Variants in ACBD6 observed in about 807,000 individuals in gnomAD.
ACBD6 encodes the protein acyl-CoA binding domain containing 6, also known as acyl-CoA-binding domain-containing protein 6.
A neutral mutation model predicts 37.2 loss-of-function variants in ACBD6; 28 were observed. That is an observed-to-expected ratio of 0.75 (90% CI 0.56 to 1.03). The LOEUF (loss-of-function observed/expected upper bound fraction) is 1.03, where lower values mean the gene tolerates loss of function less well. ACBD6 is among the 50% of genes least tolerant of loss of function. The pLI is 0.00. For synonymous variants in ACBD6, 113 were observed against 126.8 expected (o/e 0.89, Z 0.73); for missense variants, 340 against 337.4 (o/e 1.01, Z -0.06).
At chr1:180,397,268 T>C (rs1326652318) in intron 6 of ACBD6, among the ~76,000 whole-genome samples, 8 of 152,130 alleles carry the variant, frequency 5.3e-5, no homozygotes, top group African/African-American at 1.7e-4. Flanking sequence ...AGATTAGTGG[T>C]TGCCAAGGTC....
chr1:180,483,872 ACCCATG>A lies in ACBD6; in HGVS notation c.384+8391_384+8396del, dbSNP rs1287877665. Among the ~76,000 whole-genome samples, 3 of 152,308 alleles carry A rather than the reference ACCCATG, an allele frequency of 2.0e-5. No individual in the cohort carries two copies. The East Asian group carries it at 5.8e-4, about 29-fold the overall frequency. Reference sequence around the variant, plus strand: ...TATAATAGGACTCAAAAGAAATAGTACCCATGCATCTTGAACAAGAATCTTCTCCAA... The same window carrying A: ...TATAATAGGACTCAAAAGAAATAGTACATCTTGAACAAGAATCTTCTCCAA... On this transcript the variant is annotated intron_variant, in intron 3 of 7. Coordinates refer to ENST00000367595, the MANE Select transcript of ACBD6 (RefSeq NM_032360.4).
At chr1:180,458,143 T>C (rs949591475) in intron 3 of ACBD6, among the ~76,000 whole-genome samples, 5 of 152,202 alleles carry the variant, frequency 3.3e-5, no homozygotes, top group Non-Finnish European at 2.9e-5. Flanking sequence ...TAATATATCT[T>C]TCCTACGGCA....
intron 4 of ACBD6, among the ~76,000 whole-genome samples, chr1:180,421,899 GAGA>G (rs1473273656): frequency 6.6e-6 from 1 of 151,814 alleles, no homozygotes; most frequent in Non-Finnish European, 1.5e-5. Flanking sequence ...GCCTCTTGGT[GAGA>G]AGAAGTTGTT....
chr1:180,351,442 A>AT (rs1485828418), intron 6 of ACBD6, among the ~76,000 whole-genome samples: 1 of 151,808 alleles, frequency 6.6e-6, no homozygotes, highest in Non-Finnish European at 1.5e-5. Context: ...TGCCTGGCTA[A>AT]TTTTTTGTAT....
chr1:180,475,282 T>C (rs974780063), intron 3 of ACBD6, among the ~76,000 whole-genome samples: 3 of 152,198 alleles, frequency 2.0e-5, no homozygotes, highest in African/African-American at 7.2e-5. Flanking sequence ...CTCGGAAAGT[T>C]TCCTTGTGTC....
chr1:180,460,687 CA>C (rs370874547), intron 3 of ACBD6, among the ~76,000 whole-genome samples: 1 of 152,254 alleles, frequency 6.6e-6, no homozygotes, highest in East Asian at 1.9e-4. Flanking sequence ...AGCAGCCCTA[CA>C]AAAAAGTGGC....
chr1:180,459,967 CTTTTTTTTTTTTTT>C, intron 3 of ACBD6, among the ~76,000 whole-genome samples: 1 of 107,968 alleles, frequency 9.3e-6, no homozygotes, highest in African/African-American at 3.2e-5. Flanking sequence ...CAGACTGCTT[CTTTTTTTTTTTTTT>C]TTTTTTTTTT....
intron 6 of ACBD6, among the ~76,000 whole-genome samples, chr1:180,363,265 A>T (rs1354041032): frequency 6.6e-6 from 1 of 152,220 alleles, no homozygotes; most frequent in Non-Finnish European, 1.5e-5. Context: ...GGTTATTTTT[A>T]AAACGATTGT....
intron 7 of ACBD6, among the ~76,000 whole-genome samples, chr1:180,301,245 T>C (rs902899003): frequency 1.3e-5 from 2 of 152,156 alleles, no homozygotes; most frequent in Non-Finnish European, 2.9e-5. Context: ...ACCAAAATCA[T>C]ATACAGTTGA....
intron 6 of ACBD6, among the ~76,000 whole-genome samples, chr1:180,372,549 A>T (rs2101916831): frequency 6.6e-6 from 1 of 152,272 alleles, no homozygotes; most frequent in Non-Finnish European, 1.5e-5. Flanking sequence ...AAGCAATTCT[A>T]TACATTATTT....
rs193106740 is a variant in ACBD6 at position 180,387,527 on chromosome 1, C to G, written c.663+9989G>C. Among the ~76,000 whole-genome samples the G allele has an allele frequency of 7.7e-4, 117 of 152,298 alleles. 1 individual carries two copies. Among genetic ancestry groups the G allele is most frequent in the African/African-American group, 2.7e-3 (114 of 41,574 alleles). ...CCATTTGGCCTCTTCTGGCACCACCCTGGTGAGGAAAGGAAATCACTCCCT... is the reference window on the plus strand; with the variant it reads ...CCATTTGGCCTCTTCTGGCACCACCGTGGTGAGGAAAGGAAATCACTCCCT... On this transcript the variant is annotated intron_variant, in intron 6 of 7. Transcript: ENST00000367595.
At chr1:180,371,842 A>G (rs1653276535) in intron 6 of ACBD6, among the ~76,000 whole-genome samples, 1 of 152,182 alleles carries the variant, frequency 6.6e-6, no homozygotes, top group South Asian at 2.1e-4. Context: ...AAGTCACATA[A>G]GAAGTTGCCA....
At chr1:180,397,216 T>C (rs1409684323) in intron 6 of ACBD6, among the ~76,000 whole-genome samples, 1 of 152,202 alleles carries the variant, frequency 6.6e-6, no homozygotes, top group African/African-American at 2.4e-5. Flanking sequence ...TTCCCATTTA[T>C]ATAAAATATC....
At chr1:180,418,937 T>C (rs1210367855) in intron 4 of ACBD6, among the ~76,000 whole-genome samples, 2 of 152,238 alleles carry the variant, frequency 1.3e-5, no homozygotes, top group Admixed American at 6.5e-5. Context: ...AGTGTTTTTT[T>C]GTGTGTTGTG....
At chr1:180,485,074 CAA>C (rs61286766) in intron 3 of ACBD6, among the ~76,000 whole-genome samples, 25 of 92,092 alleles carry the variant, frequency 2.7e-4, no homozygotes, top group South Asian at 3.4e-4. Context: ...GACTCTGTCT[CAA>C]AAAAAAAAAA....
chr1:180,351,015 G>A (rs1652394767), intron 6 of ACBD6, among the ~76,000 whole-genome samples: 1 of 151,894 alleles, frequency 6.6e-6, no homozygotes, highest in Non-Finnish European at 1.5e-5. Context: ...AATAATTTCA[G>A]GGCTGTTACT....
intron 3 of ACBD6, among the ~76,000 whole-genome samples, chr1:180,457,013 C>T (rs1031761407): frequency 6.6e-6 from 1 of 152,128 alleles, no homozygotes; most frequent in African/African-American, 2.4e-5. Flanking sequence ...AAAAGCCTTG[C>T]AAACCTAGAA....
intron 6 of ACBD6, among the ~76,000 whole-genome samples, chr1:180,335,056 G>C (rs1651646498): frequency 6.6e-6 from 1 of 152,172 alleles, no homozygotes; most frequent in African/African-American, 2.4e-5. Context: ...GAAAGTGATG[G>C]GGAGAAGGGA....
chr1:180,352,380 G>A (rs759299513), intron 6 of ACBD6, among the ~76,000 whole-genome samples: 27 of 152,102 alleles, frequency 1.8e-4, no homozygotes, highest in Non-Finnish European at 3.1e-4. Flanking sequence ...AGGATCAGGA[G>A]GTTTTCACCA....
Sources: gnomAD v4.1 joint callset for allele counts (sites outside exome capture counted in the v4.1 genomes callset) on GRCh38, gnomAD v4.1.1 for gene constraint, MANE v1.5 for transcripts, NCBI Gene and HGNC (gene_info 2026-07-23, HGNC 2026-07-21) for gene names.